F8: variants seen among roughly 807,000 people sequenced by gnomAD.
The protein encoded by F8 is coagulation factor VIII.
In F8, 12 loss-of-function variants were observed where a neutral mutation model predicts 140.6. The observed-to-expected ratio is 0.09, with a 90% confidence interval of 0.05 to 0.14. The LOEUF (loss-of-function observed/expected upper bound fraction) is 0.14, where lower values mean the gene tolerates loss of function less well. F8 is among the 10% of genes least tolerant of loss of function. F8 has a pLI of 1.00. For synonymous variants in F8, 585 were observed against 614.6 expected, an observed-to-expected ratio of 0.95 and a Z score of 0.71; for missense variants, 1,354 against 1,720.7, an observed-to-expected ratio of 0.79 and a Z score of 3.77.
intron 15 of F8, among the ~76,000 whole-genome samples, chrX:154,905,335 T>C (rs2073032845): frequency 9.1e-6 from 1 of 110,025 alleles, no homozygotes; most frequent in Middle Eastern, 4.7e-3. Flanking sequence ...ACGCCAGGAG[T>C]TGATATGTAA....
intron 11 of F8, among the ~76,000 whole-genome samples, chrX:154,956,090 C>T (rs1557281172): frequency 8.9e-6 from 1 of 112,130 alleles, no homozygotes; most frequent in Non-Finnish European, 1.9e-5. Context: ...AAAAAGAATT[C>T]AGTGATATTT....
At chrX:155,022,170 C>G (rs1422679391) in intron 1 of F8, among the ~76,000 whole-genome samples, 2 of 111,662 alleles carry the variant, frequency 1.8e-5, no homozygotes, top group East Asian at 5.6e-4. Flanking sequence ...CAGCATATGA[C>G]GAAGAGAAGC....
intron 6 of F8, among the ~76,000 whole-genome samples, chrX:154,973,474 G>T (rs1407595532): frequency 8.9e-6 from 1 of 112,408 alleles, no homozygotes; most frequent in Admixed American, 9.4e-5. Flanking sequence ...CCATGAACAT[G>T]AAATATCTTT....
intron 14 of F8, among the ~76,000 whole-genome samples, chrX:154,920,627 A>AT (rs782674705): frequency 9.1e-6 from 1 of 109,757 alleles, no homozygotes; most frequent in South Asian, 4.0e-4. Flanking sequence ...TAATTTTTAA[A>AT]TTTTTTATAG....
At chrX:154,872,636 G>A (rs887659769) in intron 22 of F8, among the ~76,000 whole-genome samples, 6 of 110,978 alleles carry the variant, frequency 5.4e-5, no homozygotes, top group Non-Finnish European at 9.4e-5. Context: ...ACCAGGGCAC[G>A]TGTATACCTA....
intron 15 of F8, 125 bp downstream of exon 15, chrX:154,906,295 C>A: frequency 1.7e-6 from 1 of 584,923 alleles, no homozygotes; most frequent in East Asian, 3.9e-5. Flanking sequence ...AGAACGTACA[C>A]AAAGATAATT....
chrX:154,905,547 G>T (rs1321659810), intron 15 of F8, among the ~76,000 whole-genome samples: 1 of 111,269 alleles, frequency 9.0e-6, no homozygotes, highest in Non-Finnish European at 1.9e-5. Flanking sequence ...TTGAAACAAC[G>T]AATAGATATT....
intron 22 of F8, among the ~76,000 whole-genome samples, chrX:154,869,886 T>C (rs1230755833): frequency 9.0e-6 from 1 of 111,716 alleles, no homozygotes; most frequent in African/African-American, 3.3e-5. Context: ...CCCACAGAAA[T>C]ACAAACTACC....
intron 25 of F8, among the ~76,000 whole-genome samples, chrX:154,847,604 A>T (rs950002085): frequency 1.3e-4 from 15 of 112,101 alleles, no homozygotes; most frequent in Non-Finnish European, 2.4e-4. Context: ...CATTCGTCAC[A>T]TAGTTCTCGT....
chrX:154,962,892 A>ATG (rs2073403098), intron 9 of F8, among the ~76,000 whole-genome samples: 1 of 92,291 alleles, frequency 1.1e-5, no homozygotes, highest in Admixed American at 1.2e-4. Flanking sequence ...AGAGACAGAG[A>ATG]CGAGAGAGAG....
chrX:154,983,771 C>T (rs1351895621), intron 6 of F8, among the ~76,000 whole-genome samples: 3 of 112,053 alleles, frequency 2.7e-5, no homozygotes, highest in Non-Finnish European at 5.6e-5. Flanking sequence ...TGCTGCTGCA[C>T]GGCCATTCTG....
chrX:154,903,187 T>A (rs2073018756), intron 18 of F8, among the ~76,000 whole-genome samples: 4 of 111,185 alleles, frequency 3.6e-5, no homozygotes, highest in Non-Finnish European at 3.8e-5. Context: ...ATGGTTTTTT[T>A]TTTTTAGAGA....
intron 11 of F8, among the ~76,000 whole-genome samples, chrX:154,955,235 C>T (rs916495770): frequency 1.2e-5 from 1 of 84,743 alleles, no homozygotes; most frequent in African/African-American, 4.7e-5. Context: ...ACTGCAGCCT[C>T]GACCTCCTGG....
chrX:154,944,048 C>G lies in F8; in HGVS notation c.2113+3650G>C, dbSNP rs1167951916. ...ATGGATTAAAGACTTAAACGTTAGA[C>G]CTAAAACCATAAAAACCCTAGAAGA... On this transcript the variant is annotated intron_variant, in intron 13 of 25. Transcript: ENST00000360256. Among the ~76,000 whole-genome samples the G allele has an allele frequency of 6.3e-5, 7 of 111,781 alleles. No homozygotes were observed. In the East Asian group the frequency reaches 1.4e-3, roughly 22 times the overall value.
At chrX:155,022,337 T>C in intron 1 of F8, 73 bp downstream of exon 1, 1 of 1,090,250 alleles carries the variant, frequency 9.2e-7, no homozygotes, top group Non-Finnish European at 1.3e-6. Flanking sequence ...ACCCGATGTC[T>C]GCACCTTCCT....
At chrX:154,895,964 A>T in intron 22 of F8, 113 bp downstream of exon 22, 1 of 788,664 alleles carries the variant, frequency 1.3e-6, no homozygotes. Context: ...ATAAGTGAAA[A>T]ATTATTTTTT....
intron 1 of F8, among the ~76,000 whole-genome samples, chrX:155,013,976 C>T (rs1356112231): frequency 9.0e-6 from 1 of 111,371 alleles, no homozygotes; most frequent in Non-Finnish European, 1.9e-5. Flanking sequence ...CCTAAAAGCC[C>T]TATCTCCAAA....
Position 154,929,665 on chromosome X carries a change from G to T in F8, c.4125C>A (p.Asp1375Glu). The T allele has an allele frequency of 8.3e-7, 1 of 1,209,813 alleles. No homozygotes were observed. Among genetic ancestry groups the T allele is most frequent in the Non-Finnish European group, 1.1e-6 (1 of 894,389 alleles). Reference sequence around the variant, plus strand: ...TGGCCCCTTTCTCCTTCTCATTGTAGTCTATCTGTGTGAGGGTGCTCGGGG... The same window carrying T: ...TGGCCCCTTTCTCCTTCTCATTGTATTCTATCTGTGTGAGGGTGCTCGGGG... ...HLTPSTLTQI[D>E]YNEKEKGAIT... Residue 1375 changes from aspartate (D) to glutamate (E), a missense_variant, in exon 14 of 26, where the codon GAC becomes GAA. Around this residue, in one of 4 missense-constraint regions of F8, gnomAD observed 658 missense variants for 666.5 expected, o/e 0.99. Transcript: ENST00000360256.
intron 1 of F8, among the ~76,000 whole-genome samples, chrX:155,007,357 G>T (rs1467787738): frequency 8.9e-6 from 1 of 112,468 alleles, no homozygotes; most frequent in African/African-American, 3.2e-5. Flanking sequence ...AGCAGGGAGA[G>T]AATTAATGCA....
Sources: allele counts gnomAD v4.1 joint callset (sites outside exome capture counted in the v4.1 genomes callset), GRCh38; gene constraint gnomAD v4.1.1; regional missense constraint gnomAD v4.1.1; transcripts MANE v1.5; gene names NCBI Gene and HGNC (gene_info 2026-07-23, HGNC 2026-07-21).